Variants in TIAM1 observed in about 807,000 individuals in gnomAD.
TIAM1 encodes TIAM Rac1 associated GEF 1, also known as rho guanine nucleotide exchange factor TIAM1.
A neutral mutation model predicts 163.5 loss-of-function variants in TIAM1; 65 were observed. That is an observed-to-expected ratio of 0.40 (90% confidence interval 0.33 to 0.49). The LOEUF (loss-of-function observed/expected upper bound fraction) is 0.49. TIAM1 is among the 20% of genes least tolerant of loss of function. TIAM1 has a pLI of 0.77. For missense variants in TIAM1, 1,789 were observed against 2,044.7 expected (o/e 0.87, Z 2.41); for synonymous variants, 833 against 810.1 (o/e 1.03, Z -0.48).
intron 10 of TIAM1, 58 bp downstream of exon 10, chr21:31,213,340 T>C: frequency 1.4e-6 from 2 of 1,430,394 alleles, no homozygotes; most frequent in Non-Finnish European, 1.9e-6. Flanking sequence ...CACTGCACCA[T>C]GTATATGTTG....
intron 2 of TIAM1, among the ~76,000 whole-genome samples, chr21:31,372,866 A>T (rs1342123992): frequency 6.6e-6 from 1 of 151,926 alleles, no homozygotes; most frequent in South Asian, 2.1e-4. Context: ...GACCAGCTTG[A>T]CCAACATGAA....
At chr21:31,430,999 T>C (rs1602261840) in intron 2 of TIAM1, among the ~76,000 whole-genome samples, 1 of 152,280 alleles carries the variant, frequency 6.6e-6, no homozygotes, top group Non-Finnish European at 1.5e-5. Context: ...CTTAAGAATA[T>C]GTAATAGTAA....
At chr21:31,532,838 T>G (rs1478671834) in intron 1 of TIAM1, among the ~76,000 whole-genome samples, 3 of 152,116 alleles carry the variant, frequency 2.0e-5, no homozygotes, top group Non-Finnish European at 2.9e-5. Context: ...TCCCAGCTGC[T>G]CAGGACGGGG....
chr21:31,380,149 A>G (rs2076753435), intron 2 of TIAM1, among the ~76,000 whole-genome samples: 1 of 152,016 alleles, frequency 6.6e-6, no homozygotes, highest in African/African-American at 2.4e-5. Context: ...CTGTAATCTC[A>G]GCTACTCGGG....
chr21:31,174,710 C>T (rs916187908), intron 15 of TIAM1, among the ~76,000 whole-genome samples: 7 of 152,172 alleles, frequency 4.6e-5, no homozygotes, highest in Non-Finnish European at 8.8e-5. Context: ...CGCAGTGGTG[C>T]GATCCCGGCT....
At chr21:31,505,417 G>A (rs1219280263) in intron 1 of TIAM1, among the ~76,000 whole-genome samples, 1 of 152,028 alleles carries the variant, frequency 6.6e-6, no homozygotes, top group Non-Finnish European at 1.5e-5. Context: ...TAAACAAAGA[G>A]CAAAGAGAGA....
intron 6 of TIAM1, among the ~76,000 whole-genome samples, chr21:31,233,743 C>A (rs964877211): frequency 6.6e-5 from 10 of 152,290 alleles, no homozygotes; most frequent in African/African-American, 2.4e-4. Flanking sequence ...TTCCCTCCCC[C>A]ACTGAAAATG....
chr21:31,186,891 C>CAATGTGGA (rs1163444404), intron 14 of TIAM1, 110 bp downstream of exon 14: 61 of 931,416 alleles, frequency 6.5e-5, no homozygotes, highest in Non-Finnish European at 9.3e-5. Flanking sequence ...AGAAAATGTT[C>CAATGTGGA]AAATACTTTC....
chr21:31,175,847 C>A (rs2084738830), intron 15 of TIAM1, among the ~76,000 whole-genome samples: 1 of 152,180 alleles, frequency 6.6e-6, no homozygotes, highest in Non-Finnish European at 1.5e-5. Context: ...GATCCACCTG[C>A]CTCGGCCTCC....
In TIAM1 at chr21:31,537,003, G is replaced by A. The variant is rs374166441; in HGVS notation, c.-422+21924C>T. On this transcript the variant is annotated intron_variant, in intron 1 of 28. Transcript: ENST00000286827. ...ACTGCACTCCCTCAAGAGACTCTGG[G>A]GAAGGATCCTTCCTTGCCTCTTCCA... Among the ~76,000 whole-genome samples, 210 of 152,330 alleles carry A rather than the reference G, an allele frequency of 1.4e-3. 1 individual carries two copies. The highest frequency in any genetic ancestry group is 4.8e-3 in the African/African-American group (200 of 41,576).
chr21:31,223,541 A>G lies in TIAM1; in HGVS notation c.1860T>C (p.Arg620=), dbSNP rs1372050668. The G allele has an allele frequency of 1.2e-6, 2 of 1,613,496 alleles. No individual in the cohort carries two copies. Among genetic ancestry groups the G allele is most frequent in the Non-Finnish European group, 1.7e-6 (2 of 1,179,504 alleles). Residue 620 remains arginine, a synonymous_variant, in exon 8 of 28, where the codon CGT becomes CGC. Coordinates refer to ENST00000541036, the MANE Select transcript of TIAM1 (RefSeq NM_001353694.2). ...GAAGGCTGGCTAAATAACAGCGGAA[A>G]CGAAACAGGTCCATTTGGAACTGCT... ...NLEQFQMDLF[R]FRCYLASLQG...
At chr21:31,361,858 T>TAGATAGAG (rs1347174486) in intron 2 of TIAM1, among the ~76,000 whole-genome samples, 9 of 149,898 alleles carry the variant, frequency 6.0e-5, no homozygotes, top group African/African-American at 1.5e-4. Context: ...GATAGATAGA[T>TAGATAGAG]AGATAGATAG....
chr21:31,542,362 G>A (rs770569103), intron 1 of TIAM1, among the ~76,000 whole-genome samples: 2 of 151,972 alleles, frequency 1.3e-5, no homozygotes, highest in East Asian at 3.9e-4. Flanking sequence ...AGGAGGAGGA[G>A]CTTACAGTGA....
chr21:31,505,016 A>G (rs1184625628), intron 1 of TIAM1, among the ~76,000 whole-genome samples: 2 of 152,200 alleles, frequency 1.3e-5, no homozygotes. Context: ...GAGACCTCAG[A>G]AACACCAAAA....
At chr21:31,439,057 T>C (rs769322031) in intron 2 of TIAM1, among the ~76,000 whole-genome samples, 1 of 152,178 alleles carries the variant, frequency 6.6e-6, no homozygotes, top group African/African-American at 2.4e-5. Flanking sequence ...TAGGTAGCGA[T>C]TACCTGATGT....
At chr21:31,465,696 G>C (rs1011846299) in intron 1 of TIAM1, among the ~76,000 whole-genome samples, 1 of 151,940 alleles carries the variant, frequency 6.6e-6, no homozygotes, top group African/African-American at 2.4e-5. Context: ...TCAGCCTCCG[G>C]AGTAGCTGGG....
At chr21:31,183,579 C>T (rs528478250) in intron 14 of TIAM1, among the ~76,000 whole-genome samples, 5 of 152,272 alleles carry the variant, frequency 3.3e-5, no homozygotes, top group Admixed American at 1.3e-4. Flanking sequence ...CCCAGGCCCT[C>T]GGGCATCCCA....
chr21:31,528,068 A>G (rs747306405), intron 1 of TIAM1, among the ~76,000 whole-genome samples: 8 of 152,234 alleles, frequency 5.3e-5, no homozygotes, highest in Non-Finnish European at 1.2e-4. Context: ...AAGATTGATG[A>G]GACTTCAGTG....
chr21:31,244,296 C>T (rs1010194153), intron 6 of TIAM1, among the ~76,000 whole-genome samples: 1 of 152,202 alleles, frequency 6.6e-6, no homozygotes, highest in Non-Finnish European at 1.5e-5. Flanking sequence ...TAGCCCCCTC[C>T]TTGCATGTTA....
Sources: gnomAD v4.1 joint callset for allele counts (sites outside exome capture counted in the v4.1 genomes callset) on GRCh38, gnomAD v4.1.1 for gene constraint, MANE v1.5 for transcripts, NCBI Gene and HGNC (gene_info 2026-07-23, HGNC 2026-07-21) for gene names.